NRCAM: variants seen among roughly 807,000 people sequenced by gnomAD.
The protein encoded by NRCAM is neuronal cell adhesion molecule.
NRCAM carries 83 observed loss-of-function variants against 156.5 expected under a neutral mutation model. The ratio of observed to expected loss-of-function variants is 0.53; its 90% CI spans 0.44 to 0.64. The LOEUF (loss-of-function observed/expected upper bound fraction) is 0.64. Among genes scored for constraint, NRCAM ranks in the 30% least tolerant of loss-of-function variants. NRCAM has a pLI of 0.00. For synonymous variants in NRCAM, 538 were observed against 563.9 expected (o/e 0.95, Z 0.65); for missense variants, 1,417 against 1,597.3 (o/e 0.89, Z 1.92).
At chr7:108,338,207 C>A (rs981974582) in intron 2 of NRCAM, among the ~76,000 whole-genome samples, 8 of 152,236 alleles carry the variant, frequency 5.3e-5, no homozygotes, top group Admixed American at 4.6e-4. Context: ...CATGCATGCG[C>A]CCCTATCTTT....
Position 108,404,550 on chromosome 7 carries a change from C to T in NRCAM, c.-331-4957G>A, listed in dbSNP as rs114785383. 1.6e-3 allele frequency among the ~76,000 whole-genome samples: 240 copies of T among 152,244 alleles called. 1 individual carries two copies. Among genetic ancestry groups the T allele is most frequent in the African/African-American group, 3.6e-3 (150 of 41,538 alleles). On this transcript the variant is annotated intron_variant, in intron 1 of 32. Transcript: ENST00000379028. ...CTAGTAGGTGGCAAAACCAAGACTA[C>T]AAGTATTTTGTAATTCTTAGTCCAC...
intron 3 of NRCAM, among the ~76,000 whole-genome samples, chr7:108,273,031 A>G (rs1020632337): frequency 2.6e-4 from 39 of 152,090 alleles, no homozygotes; most frequent in African/African-American, 8.7e-4. Flanking sequence ...TTTTGCTGAG[A>G]ATGATGGTTT....
In NRCAM at chr7:108,220,237, A is replaced by T. The variant is rs1180629777; in HGVS notation, c.890+3488T>A. On this transcript the variant is annotated intron_variant, in intron 11 of 32. Coordinates refer to ENST00000379028, the MANE Select transcript of NRCAM (RefSeq NM_001037132.4). ...TGAAAACACATCCCATGCTCATGGA[A>T]GAGTAGAATCAATATTGTGAAAATG... Among the ~76,000 whole-genome samples, 3 of 152,160 alleles carry T rather than the reference A, an allele frequency of 2.0e-5. No individual in the cohort carries two copies. In the East Asian group the frequency reaches 5.8e-4, roughly 29 times the overall value.
At chr7:108,250,189 C>T (rs1218567738) in intron 3 of NRCAM, among the ~76,000 whole-genome samples, 1 of 152,074 alleles carries the variant, frequency 6.6e-6, no homozygotes, top group Admixed American at 6.5e-5. Flanking sequence ...GAGGCCGAGG[C>T]AGGTGGATCA....
chr7:108,167,620 T>C lies in NRCAM; in HGVS notation c.3314-547A>G, dbSNP rs911912937. Among the ~76,000 whole-genome samples, 12 of 152,240 alleles carry C rather than the reference T, an allele frequency of 7.9e-5. 1 individual carries two copies. In the South Asian group the frequency reaches 8.3e-4, roughly 11 times the overall value. ...AAGGCTTAAACAGAAAGTTGGACTC[T>C]GTTCAACATTTTGTCACAAACATTT... On this transcript the variant is annotated intron_variant, in intron 29 of 32. Transcript: ENST00000379028.
intron 3 of NRCAM, among the ~76,000 whole-genome samples, chr7:108,270,586 AC>A (rs1460322958): frequency 6.6e-6 from 1 of 152,212 alleles, no homozygotes; most frequent in Non-Finnish European, 1.5e-5. Context: ...GTCTACACTT[AC>A]GTCCATAGCA....
intron 2 of NRCAM, among the ~76,000 whole-genome samples, chr7:108,361,852 C>T (rs945015537): frequency 3.3e-5 from 5 of 151,564 alleles, no homozygotes; most frequent in African/African-American, 9.7e-5. Context: ...TGTGTATATA[C>T]GTATATGTAT....
At chr7:108,233,988 T>C (rs1398197241) in intron 6 of NRCAM, among the ~76,000 whole-genome samples, 2 of 152,188 alleles carry the variant, frequency 1.3e-5, no homozygotes, top group African/African-American at 2.4e-5. Flanking sequence ...TTTGCAGTGA[T>C]CTAAAATGCT....
intron 2 of NRCAM, among the ~76,000 whole-genome samples, chr7:108,325,468 A>G (rs773601991): frequency 9.9e-5 from 15 of 151,992 alleles, no homozygotes; most frequent in Non-Finnish European, 1.0e-4. Context: ...TGGAGTTCCA[A>G]TCTGTTGCTT....
chr7:108,262,756 G>A (rs2096932519), intron 3 of NRCAM, among the ~76,000 whole-genome samples: 2 of 152,186 alleles, frequency 1.3e-5, no homozygotes, highest in Non-Finnish European at 2.9e-5. Context: ...AAGGTGCTGA[G>A]CTGCTTTCCT....
intron 1 of NRCAM, among the ~76,000 whole-genome samples, chr7:108,446,886 C>T (rs1844900279): frequency 6.6e-6 from 1 of 151,916 alleles, no homozygotes; most frequent in Non-Finnish European, 1.5e-5. Flanking sequence ...CACCACCACA[C>T]CTGGCTCATT....
intron 2 of NRCAM, among the ~76,000 whole-genome samples, chr7:108,366,898 C>T (rs1448863613): frequency 6.6e-6 from 1 of 152,164 alleles, no homozygotes; most frequent in Non-Finnish European, 1.5e-5. Context: ...GGACAAAAAG[C>T]TAAAGATTTT....
chr7:108,257,669 A>G (rs1269286420), intron 3 of NRCAM, among the ~76,000 whole-genome samples: 1 of 152,186 alleles, frequency 6.6e-6, no homozygotes, highest in Non-Finnish European at 1.5e-5. Context: ...TCATGAAAAA[A>G]TTATTTCTAT....
At chr7:108,269,177 A>C (rs529368953) in intron 3 of NRCAM, among the ~76,000 whole-genome samples, 1 of 151,956 alleles carries the variant, frequency 6.6e-6, no homozygotes, top group Non-Finnish European at 1.5e-5. Flanking sequence ...AAAAAAAAAA[A>C]AGAAAAAAGA....
intron 3 of NRCAM, among the ~76,000 whole-genome samples, chr7:108,287,525 G>C (rs967882537): frequency 6.6e-6 from 1 of 151,890 alleles, no homozygotes; most frequent in Non-Finnish European, 1.5e-5. Flanking sequence ...GAAAGAAGAC[G>C]AATAGACATT....
chr7:108,219,693 A>C (rs2091399751), intron 11 of NRCAM, among the ~76,000 whole-genome samples: 1 of 152,198 alleles, frequency 6.6e-6, no homozygotes, highest in Non-Finnish European at 1.5e-5. Context: ...CATGTAATGA[A>C]CATACCTCAA....
At chr7:108,313,569 C>T (rs1276371482) in intron 2 of NRCAM, among the ~76,000 whole-genome samples, 4 of 152,014 alleles carry the variant, frequency 2.6e-5, no homozygotes, top group Admixed American at 1.3e-4. Context: ...AAAATTATTC[C>T]GTTAATAAAA....
chr7:108,242,847 T>A (rs1446264559), intron 3 of NRCAM, among the ~76,000 whole-genome samples: 1 of 152,188 alleles, frequency 6.6e-6, no homozygotes, highest in South Asian at 2.1e-4. Flanking sequence ...CTGTTGTAAG[T>A]TCTTCATGTA....
chr7:108,208,304 CAAAAT>C (rs964482456), intron 12 of NRCAM, among the ~76,000 whole-genome samples: 2 of 151,816 alleles, frequency 1.3e-5, no homozygotes, highest in Admixed American at 1.3e-4. Context: ...GACTCCAACT[CAAAAT>C]AATAAATAAA....
Sources: allele counts gnomAD v4.1 joint callset (sites outside exome capture counted in the v4.1 genomes callset), GRCh38; gene constraint gnomAD v4.1.1; transcripts MANE v1.5; gene names NCBI Gene and HGNC (gene_info 2026-07-23, HGNC 2026-07-21).